ABR: variants seen among roughly 807,000 people sequenced by gnomAD.
ABR encodes ABR activator of RhoGEF and GTPase, also known as active breakpoint cluster region-related protein.
Under a neutral mutation model 107.2 loss-of-function variants are expected in ABR, and 35 were observed. That is an observed-to-expected ratio of 0.33 (90% CI 0.25 to 0.43). The LOEUF (loss-of-function observed/expected upper bound fraction) is 0.43. Among genes scored for constraint, ABR ranks in the 20% least tolerant of loss-of-function variants. The probability of loss-of-function intolerance (pLI) is 1.00; values close to 1 mark genes in which losing one functional copy is unlikely to be tolerated. For missense variants in ABR, 815 were observed against 1,115.2 expected, an observed-to-expected ratio of 0.73 and a Z score of 3.83; for synonymous variants, 498 against 462.0, an observed-to-expected ratio of 1.08 and a Z score of -1.00.
intron 1 of ABR, among the ~76,000 whole-genome samples, chr17:1,165,959 A>G (rs943112921): frequency 8.6e-5 from 13 of 150,486 alleles, no homozygotes; most frequent in African/African-American, 2.4e-4. Flanking sequence ...GAGCCCACGC[A>G]GATGACCTCA....
intron 1 of ABR, among the ~76,000 whole-genome samples, chr17:1,132,657 G>A (rs1169874417): frequency 6.6e-6 from 1 of 151,980 alleles, no homozygotes; most frequent in African/African-American, 2.4e-5. Flanking sequence ...GATTACAGGC[G>A]TGAGCCACCA....
chr17:1,181,205 G>C (rs1189254524), upstream of ABR, among the ~76,000 whole-genome samples: 1 of 152,178 alleles, frequency 6.6e-6, no homozygotes, highest in East Asian at 1.9e-4. Flanking sequence ...ACTCCAAACA[G>C]ACACACACAC....
chr17:1,025,985 T>C (rs1222692281), intron 16 of ABR, among the ~76,000 whole-genome samples: 1 of 152,250 alleles, frequency 6.6e-6, no homozygotes, highest in Non-Finnish European at 1.5e-5. Context: ...AGAAGCCCTG[T>C]GTTCCCACTA....
chr17:1,184,341 G>A (rs993830658), upstream of ABR, among the ~76,000 whole-genome samples: 1 of 151,770 alleles, frequency 6.6e-6, no homozygotes, highest in African/African-American at 2.4e-5. Context: ...TGTAGTCCCA[G>A]CTACTCGGGA....
In ABR at chr17:1,070,583, G is replaced by A. The variant is rs1201481060; in HGVS notation, c.895-493C>T. On this transcript the variant is annotated intron_variant, in intron 8 of 22. Coordinates refer to ENST00000302538, the MANE Select transcript of ABR (RefSeq NM_021962.5). The surrounding 1 kb of genome is among the most constrained non-coding windows in gnomAD (Gnocchi z 4.2). Reference sequence around the variant, plus strand: ...CCGGCTCAACCGAGACCCGAGACCCGAGACCCACTCAGGCCTGTCTGTGCT... The same window carrying A: ...CCGGCTCAACCGAGACCCGAGACCCAAGACCCACTCAGGCCTGTCTGTGCT... 6.6e-6 allele frequency among the ~76,000 whole-genome samples: 1 copy of A among 151,920 alleles called. No individual in the cohort carries two copies. Among genetic ancestry groups the A allele is most frequent in the African/African-American group, 2.4e-5 (1 of 41,358 alleles).
In ABR at chr17:1,066,245, T is replaced by C. The variant is rs117621256; in HGVS notation, c.1182+832A>G. On this transcript the variant is annotated intron_variant, in intron 10 of 22. Transcript: ENST00000302538. The stretch of plus-strand genomic sequence containing the variant: ...GTCTGTGAACATGACTTGTATGCTA[T>C]CAACTTGCAGAAAAATTTTGAGATT... 6.6e-5 allele frequency among the ~76,000 whole-genome samples: 10 copies of C among 152,326 alleles called. No homozygotes were observed. In the East Asian group the frequency reaches 1.5e-3, roughly 23 times the overall value.
rs2042886315 is a variant in ABR at position 1,210,728 on chromosome 17, A to T, written c.838+18065T>A. Reference sequence around the variant, plus strand: ...TTTATCACTTTATCAACCAACTGGCAACTCCTATCTACTCACACACAAACT... The same window carrying T: ...TTTATCACTTTATCAACCAACTGGCTACTCCTATCTACTCACACACAAACT... On this transcript the variant is annotated intron_variant, in intron 1 of 22. Coordinates refer to the ABR transcript ENST00000574139. This position sits in a 1 kb window ranked among gnomAD's most constrained non-coding sequence, Gnocchi z 5.6. Among the ~76,000 whole-genome samples the T allele has an allele frequency of 6.6e-6, 1 of 152,212 alleles. No individual in the cohort carries two copies. Among genetic ancestry groups the T allele is most frequent in the South Asian group, 2.1e-4 (1 of 4,836 alleles).
At chr17:1,193,785 G>A (rs2042488005) in intron 1 of ABR, among the ~76,000 whole-genome samples, 1 of 152,126 alleles carries the variant, frequency 6.6e-6, no homozygotes, top group Non-Finnish European at 1.5e-5. Context: ...CCGCCTCCCA[G>A]GTTGAAGCGA....
Position 1,005,172 on chromosome 17 carries a change from C to T in ABR, c.*908G>A. The T allele has an allele frequency of 2.5e-6, 1 of 398,812 alleles. No individual in the cohort carries two copies. Among genetic ancestry groups the T allele is most frequent in the Non-Finnish European group, 4.4e-6 (1 of 226,190 alleles). The allele number at this position is 398,812 out of a possible 1,614,324, so 24.7% of individuals were successfully genotyped here. ...GCCTCCTCCCCCATTCTCTCCTGAC[C>T]CTCTGGCTATCTCGATAGCAGGTCA... On this transcript the variant is annotated 3_prime_UTR_variant, in exon 23 of 23. Coordinates refer to ENST00000302538, the MANE Select transcript of ABR (RefSeq NM_021962.5).
chr17:1,219,442 A>C (rs2043075389), intron 1 of ABR, among the ~76,000 whole-genome samples: 1 of 151,348 alleles, frequency 6.6e-6, no homozygotes, highest in Non-Finnish European at 1.5e-5. Context: ...CCATCCTGTA[A>C]GGCTGATCAT....
intron 1 of ABR, among the ~76,000 whole-genome samples, chr17:1,218,679 C>G (rs1173566914): frequency 6.6e-6 from 1 of 152,168 alleles, no homozygotes; most frequent in South Asian, 2.1e-4. Context: ...ATGCCAAAAC[C>G]ATCTCATTAT....
rs188901441 is a variant in ABR at position 1,084,124 on chromosome 17, C to A, written c.532-497G>T. 5.4e-3 allele frequency among the ~76,000 whole-genome samples: 826 copies of A among 152,240 alleles called. 7 individuals carry two copies. The highest frequency in any genetic ancestry group is 0.019 in the African/African-American group (786 of 41,540). ...AAGGTGCTGTCTTGGCCGGGCGTGGCGGCTCACGCCTGTAACCCCAGCACT... is the reference window on the plus strand; with the variant it reads ...AAGGTGCTGTCTTGGCCGGGCGTGGAGGCTCACGCCTGTAACCCCAGCACT... On this transcript the variant is annotated intron_variant, in intron 4 of 22. Coordinates refer to ENST00000302538, the MANE Select transcript of ABR (RefSeq NM_021962.5). This position sits in a 1 kb window ranked among gnomAD's most constrained non-coding sequence, Gnocchi z 4.2.
chr17:1,182,595 TG>T (rs1303500836), upstream of ABR, among the ~76,000 whole-genome samples: 2 of 152,188 alleles, frequency 1.3e-5, no homozygotes, highest in African/African-American at 2.4e-5. Flanking sequence ...CTTGATCTCC[TG>T]ACCTCGTGAT....
At chr17:1,163,096 C>A (rs917732410) in intron 1 of ABR, among the ~76,000 whole-genome samples, 12 of 152,186 alleles carry the variant, frequency 7.9e-5, no homozygotes, top group African/African-American at 2.7e-4. Flanking sequence ...GAACATTAAT[C>A]TTTTGCTCCA....
At chr17:1,192,250 T>G (rs1191922794), upstream of ABR, among the ~76,000 whole-genome samples, 1 of 152,136 alleles carries the variant, frequency 6.6e-6, no homozygotes, top group Non-Finnish European at 1.5e-5. Flanking sequence ...GTGCTGGGAT[T>G]ACAGGCATGA....
At chr17:1,066,376 A>T (rs2034740475) in intron 10 of ABR, among the ~76,000 whole-genome samples, 1 of 152,164 alleles carries the variant, frequency 6.6e-6, no homozygotes, top group Admixed American at 6.5e-5. Context: ...TAAGTCAAGC[A>T]TGTTAATTGT....
At chr17:1,097,328 C>T (rs1344991183) in intron 3 of ABR, among the ~76,000 whole-genome samples, 3 of 152,152 alleles carry the variant, frequency 2.0e-5, no homozygotes, top group Non-Finnish European at 4.4e-5. Flanking sequence ...CAGTGGCTCA[C>T]ATCTGTAATC....
intron 16 of ABR, among the ~76,000 whole-genome samples, chr17:1,025,218 C>T (rs1381174671): frequency 6.6e-6 from 1 of 151,618 alleles, no homozygotes; most frequent in Non-Finnish European, 1.5e-5. Context: ...ATCGCTTGAA[C>T]CCGGGAGGCG....
intron 2 of ABR, among the ~76,000 whole-genome samples, chr17:1,112,186 AG>A (rs1439339175): frequency 6.6e-6 from 1 of 152,174 alleles, no homozygotes; most frequent in African/African-American, 2.4e-5. Context: ...TACCCAGAAA[AG>A]GCCTGGCATG....
Sources: gnomAD v4.1 joint callset for allele counts (sites outside exome capture counted in the v4.1 genomes callset) on GRCh38, gnomAD v4.1.1 for gene constraint, Gnocchi (gnomAD v3.1) non-coding constraint, MANE v1.5 for transcripts, NCBI Gene and HGNC (gene_info 2026-07-23, HGNC 2026-07-21) for gene names.